Variants in MYH14 observed in about 807,000 individuals in gnomAD.
MYH14 encodes the protein myosin heavy chain 14.
MYH14 carries 123 observed loss-of-function variants against 255.5 expected under a neutral mutation model. That is an observed-to-expected ratio of 0.48 (90% CI 0.42 to 0.56). The LOEUF (loss-of-function observed/expected upper bound fraction) is 0.56. Ranked by LOEUF, MYH14 falls within the 20% of genes least tolerant of loss-of-function variation. The pLI, the probability that MYH14 is intolerant of heterozygous loss-of-function variation, is 0.00. For synonymous variants in MYH14, 1,095 were observed against 1,161.2 expected, an observed-to-expected ratio of 0.94 and a Z score of 1.16; for missense variants, 2,423 against 2,802.3, an observed-to-expected ratio of 0.86 and a Z score of 3.06.
rs760763918 is a variant in MYH14 at position 50,259,163 on chromosome 19, G to A, written c.2252G>A (p.Arg751Gln). The change falls in exon 19 of 43, where the codon CGG becomes CAG. Residue 751 changes from arginine to glutamine, a missense_variant. This residue lies in a region of MYH14 where 672 missense variants were observed against 881.8 expected (regional missense o/e 0.76). Transcript: ENST00000642316. ...CCCCAGGCCGGGAAGCTGGAGCCAC[G>A]GCTGGTGCTGGACCAGCTTCGCTGC... is the stretch of plus-strand genomic sequence containing the variant. Reference protein sequence around the residue: ...HEKRAGKLEPRLVLDQLRCNG... With the variant: ...HEKRAGKLEPQLVLDQLRCNG... The A allele has an allele frequency of 5.8e-6, 9 of 1,559,092 alleles. No homozygotes were observed. The highest frequency in any genetic ancestry group is 1.2e-5 in the South Asian group (1 of 84,690).
chr19:50,228,939 C>T (rs899884041), intron 8 of MYH14, among the ~76,000 whole-genome samples: 13 of 152,312 alleles, frequency 8.5e-5, no homozygotes, highest in South Asian at 2.1e-4. Context: ...GCTGACCCCT[C>T]GGCACTAGCA....
At chr19:50,272,450 G>T in intron 26 of MYH14, 110 bp from the exon 27 acceptor site, 1 of 1,136,858 alleles carries the variant, frequency 8.8e-7, no homozygotes, top group Non-Finnish European at 1.3e-6. Context: ...AGGCGTTAAG[G>T]GAGGTGCTGA....
intron 40 of MYH14, among the ~76,000 whole-genome samples, chr19:50,303,932 T>A (rs992668188): frequency 2.0e-5 from 3 of 152,222 alleles, no homozygotes; most frequent in Non-Finnish European, 4.4e-5. Flanking sequence ...AGAATATTTA[T>A]TACTAAGCCT....
chr19:50,278,046 G>A (rs571383775), intron 29 of MYH14, 37 bp from the exon 30 acceptor site: 4 of 1,479,578 alleles, frequency 2.7e-6, no homozygotes, highest in African/African-American at 2.8e-5. Context: ...TCCAGGAAAG[G>A]CCTCATAGAT....
chr19:50,261,592 A>G lies in MYH14; in HGVS notation c.2542A>G (p.Ile848Val). 1 of 1,604,494 alleles carries G rather than the reference A, an allele frequency of 6.2e-7. No individual in the cohort carries two copies. Among genetic ancestry groups the G allele is most frequent in the Non-Finnish European group, 8.5e-7 (1 of 1,176,810 alleles). ...EERDLKVTDI[I>V]VSFQAAARGY... is the part of the protein sequence containing the mutation. ...GCGAGACCTGAAGGTCACCGACATC[A>G]TCGTCTCCTTCCAGGCAGCTGCCCG... Residue 848 changes from isoleucine to valine, a missense_variant, in exon 21 of 43, where the codon ATC becomes GTC. Coordinates refer to ENST00000642316, the MANE Select transcript of MYH14 (RefSeq NM_001145809.2).
chr19:50,307,296 C>T lies in MYH14; in HGVS notation c.5787+139C>T, dbSNP rs1326479022. The T allele has an allele frequency of 1.5e-5, 9 of 600,032 alleles. No homozygotes were observed. The East Asian group carries it at 2.6e-4, about 18-fold the overall frequency. 37.2% of individuals were successfully genotyped at this position (600,032 alleles called of 1,614,324 possible). On this transcript the variant is annotated intron_variant, in intron 41 of 42. Coordinates refer to ENST00000642316, the MANE Select transcript of MYH14 (RefSeq NM_001145809.2). The stretch of plus-strand genomic sequence containing the variant: ...CTGGACTGGAACTGAATGCAGATAC[C>T]ATCTTGGCACTTGGCACATCAGCAG...
In MYH14 at chr19:50,230,589, C is replaced by T. The variant is rs1324165114; in HGVS notation, c.939C>T (p.Tyr313=). 1 of 1,569,332 alleles carries T rather than the reference C, an allele frequency of 6.4e-7. No individual in the cohort carries two copies. The highest frequency in any genetic ancestry group is 8.6e-7 in the Non-Finnish European group (1 of 1,157,514). ...AKDECSFHIF[Y]QLLGGAGEQL... ...ACGAGTGCAGCTTCCACATCTTCTA[C>T]CAGCTGCTGGGGGGCGCTGGAGAGC... is the stretch of plus-strand genomic sequence containing the variant. The change falls in exon 9 of 43, where the codon TAC becomes TAT. Residue 313 remains tyrosine, a synonymous_variant. Transcript: ENST00000642316. This position sits in a 1 kb window ranked among gnomAD's most constrained non-coding sequence, Gnocchi z 4.7.
chr19:50,267,118 A>C (rs2035115843), intron 23 of MYH14, 110 bp downstream of exon 23: 1 of 1,092,000 alleles, frequency 9.2e-7, no homozygotes, highest in African/African-American at 1.6e-5. Flanking sequence ...GCCTGTGCCC[A>C]GGCAGGGCTG....
At chr19:50,227,112 G>A in intron 8 of MYH14, 146 bp downstream of exon 8, 1 of 704,162 alleles carries the variant, frequency 1.4e-6, no homozygotes, top group South Asian at 1.6e-5. Context: ...GCATGGGGAG[G>A]GGAGGGTGGG....
Position 50,276,295 on chromosome 19 carries a change from TTA to T in MYH14, c.3680+93_3680+94del. Reference sequence around the variant, plus strand: ...ACAAAGTCTCTGTCTATACAGAGGCTTACTTATTGTACAGTTGTTCATGAACC... The same window carrying T: ...ACAAAGTCTCTGTCTATACAGAGGCTCTTATTGTACAGTTGTTCATGAACC... On this transcript the variant is annotated intron_variant, in intron 28 of 42. Transcript: ENST00000642316. The surrounding 1 kb of genome is among the most constrained non-coding windows in gnomAD (Gnocchi z 4.3). The T allele has an allele frequency of 9.8e-7, 1 of 1,025,570 alleles. No individual in the cohort carries two copies. Among genetic ancestry groups the T allele is most frequent in the Non-Finnish European group, 1.4e-6 (1 of 723,618 alleles). 63.5% of individuals were successfully genotyped at this position (1,025,570 alleles called of 1,614,324 possible). A position where few individuals can be genotyped will look rare whatever the true frequency, so the allele number is the denominator to read the frequency against.
intron 16 of MYH14, among the ~76,000 whole-genome samples, chr19:50,254,442 C>T (rs550002000): frequency 5.3e-5 from 8 of 152,238 alleles, no homozygotes; most frequent in South Asian, 2.1e-4. Flanking sequence ...AATCATCTCC[C>T]GGCTGAAAAT....
chr19:50,252,496 T>G lies in MYH14; in HGVS notation c.1831-143T>G. 1.5e-6 allele frequency: 1 copy of G among 675,664 alleles called. No individual in the cohort carries two copies. The highest frequency in any genetic ancestry group is 2.7e-6 in the Non-Finnish European group (1 of 371,066). 41.9% of individuals were successfully genotyped at this position (675,664 alleles called of 1,614,324 possible). On this transcript the variant is annotated intron_variant, in intron 15 of 42. Transcript: ENST00000642316. This position sits in a 1 kb window ranked among gnomAD's most constrained non-coding sequence, Gnocchi z 4.2. ...TGCTGGTGGGGTGCAGTTCAGAATA[T>G]GGACACAAGGTGGCACCAGTGCTCG...
intron 10 of MYH14, among the ~76,000 whole-genome samples, chr19:50,236,628 A>C (rs2033669545): frequency 6.6e-6 from 1 of 151,864 alleles, no homozygotes; most frequent in Non-Finnish European, 1.5e-5. Flanking sequence ...GAATCGCTTG[A>C]ACCCGGGAGG....
In MYH14 at chr19:50,243,724, C is replaced by CA. The variant is rs1210753711; in HGVS notation, c.1115-517dup. The stretch of plus-strand genomic sequence containing the variant: ...TTTGCACATAGATAGCAGTAAGCCA[C>CA]ACACAGCATTGTTTGTTTGCCTCCT... On this transcript the variant is annotated intron_variant, in intron 10 of 42. Transcript: ENST00000642316. Among the ~76,000 whole-genome samples, 3 of 152,342 alleles carry CA rather than the reference C, an allele frequency of 2.0e-5. No homozygotes were observed. The East Asian group carries it at 5.8e-4, about 29-fold the overall frequency.
At chr19:50,218,951 A>G (rs920597963) in intron 3 of MYH14, among the ~76,000 whole-genome samples, 3 of 150,480 alleles carry the variant, frequency 2.0e-5, no homozygotes, top group Admixed American at 1.3e-4. Context: ...ATTCCCTTTT[A>G]TGGCTGAGTA....
chr19:50,205,736 G>C (rs2123134618), intron 1 of MYH14, among the ~76,000 whole-genome samples: 1 of 152,330 alleles, frequency 6.6e-6, no homozygotes, highest in South Asian at 2.1e-4. Context: ...GAAAGGACTG[G>C]GGCCAGGACT....
chr19:50,259,271 C>G lies in MYH14; in HGVS notation c.2354+6C>G. 7 of 1,568,288 alleles carry G rather than the reference C, an allele frequency of 4.5e-6. No individual in the cohort carries two copies. Among genetic ancestry groups the G allele is most frequent in the Non-Finnish European group, 6.1e-6 (7 of 1,156,228 alleles). ...TTCCAGGAGTTCCGGCAGCGGTGAG[C>G]TAGAGCGAGGGCCCAGGCCCGGCGG... On this transcript the variant is annotated splice_donor_region_variant and intron_variant, in intron 19 of 42. Coordinates refer to ENST00000642316, the MANE Select transcript of MYH14 (RefSeq NM_001145809.2).
chr19:50,241,950 C>T (rs2033908792), intron 10 of MYH14, among the ~76,000 whole-genome samples: 1 of 152,230 alleles, frequency 6.6e-6, no homozygotes, highest in Non-Finnish European at 1.5e-5. Context: ...CACCACCACA[C>T]CGCACCAAGC....
At chr19:50,286,721 C>T in intron 34 of MYH14, 27 bp downstream of exon 34, 1 of 1,548,418 alleles carries the variant, frequency 6.5e-7, no homozygotes, top group Non-Finnish European at 8.7e-7. Flanking sequence ...CTCCCCGGGA[C>T]ACACTGGGTG....
Sources: allele counts gnomAD v4.1 joint callset (sites outside exome capture counted in the v4.1 genomes callset), GRCh38; gene constraint gnomAD v4.1.1; regional missense constraint gnomAD v4.1.1; non-coding constraint Gnocchi (gnomAD v3.1); transcripts MANE v1.5; gene names NCBI Gene and HGNC (gene_info 2026-07-23, HGNC 2026-07-21).